Variants in CACNA1I observed in about 807,000 individuals in gnomAD.
The protein encoded by CACNA1I is voltage-dependent T-type calcium channel subunit alpha-1I.
Under a neutral mutation model 201.6 loss-of-function variants are expected in CACNA1I, and 74 were observed. The ratio of observed to expected loss-of-function variants is 0.37; its 90% confidence interval spans 0.30 to 0.45. The LOEUF (loss-of-function observed/expected upper bound fraction) is 0.45. Ranked by LOEUF, CACNA1I falls within the 20% of genes least tolerant of loss-of-function variation. CACNA1I has a pLI of 1.00. For missense variants in CACNA1I, 2,346 were observed against 3,138.1 expected (o/e 0.75, Z 6.03); for synonymous variants, 1,431 against 1,345.2 (o/e 1.06, Z -1.40).
At position 39,646,777 on chromosome 22, in the gene CACNA1I, C is replaced by G. The variant is rs1472275670; in HGVS notation, c.1358C>G (p.Ala453Gly). The G allele has an allele frequency of 2.5e-6, 4 of 1,577,672 alleles. No homozygotes were observed. The South Asian group carries it at 3.5e-5, about 14-fold the overall frequency. ...ATCCTGCGCAAGGCCAAGCGCCGCG[C>G]CCTGGGCCTCTACCAGGCCCTGCAG... ...CHILRKAKRR[A>G]LGLYQALQSR... The change falls in exon 8 of 37, where the codon GCC (alanine) becomes GGC (glycine). Residue 453 changes from alanine to glycine, a missense_variant. Coordinates refer to ENST00000402142, the MANE Select transcript of CACNA1I (RefSeq NM_021096.4).
intron 7 of CACNA1I, among the ~76,000 whole-genome samples, chr22:39,644,986 C>T (rs1934447234): frequency 6.6e-6 from 1 of 151,906 alleles, no homozygotes; most frequent in African/African-American, 2.4e-5. Context: ...CAGCCCCCGG[C>T]CCCCAGTGCT....
At chr22:39,573,639 G>A (rs1262880187) in intron 1 of CACNA1I, among the ~76,000 whole-genome samples, 2 of 152,146 alleles carry the variant, frequency 1.3e-5, no homozygotes, top group African/African-American at 4.8e-5. Flanking sequence ...GCACCCTGAC[G>A]CCTGACCACT....
intron 1 of CACNA1I, among the ~76,000 whole-genome samples, chr22:39,596,595 G>A (rs1268160623): frequency 6.6e-6 from 1 of 151,750 alleles, no homozygotes. Flanking sequence ...CTGCAGGCCA[G>A]GCAAGGGCTT....
At chr22:39,580,436 A>T (rs986673866) in intron 1 of CACNA1I, among the ~76,000 whole-genome samples, 1 of 152,174 alleles carries the variant, frequency 6.6e-6, no homozygotes, top group African/African-American at 2.4e-5. Flanking sequence ...AACCTCAGGT[A>T]CCCTGGCATG....
chr22:39,645,964 G>A (rs1385851232), intron 7 of CACNA1I, among the ~76,000 whole-genome samples: 2 of 152,220 alleles, frequency 1.3e-5, no homozygotes, highest in African/African-American at 4.8e-5. Flanking sequence ...TCAGAGAGAA[G>A]GCAGGGCTGG....
rs1252279898 is a variant in CACNA1I at position 39,665,998 on chromosome 22, C to T, written c.4096C>T (p.Leu1366=). ...CCATCACAAATACAACTTCGACAAC[C>T]TGGGCCAGGTGAGCACCACCGTCCT... The part of the protein sequence containing the change: ...WVHHKYNFDN[L]GQALMSLFVL... Residue 1366 remains leucine, a synonymous_variant, in exon 23 of 37, where the codon CTG becomes TTG. Coordinates refer to ENST00000402142, the MANE Select transcript of CACNA1I (RefSeq NM_021096.4). The surrounding 1 kb of genome is among the most constrained non-coding windows in gnomAD (Gnocchi z 5.5). 1.2e-6 allele frequency: 2 copies of T among 1,613,518 alleles called. No homozygotes were observed. Among genetic ancestry groups the T allele is most frequent in the Non-Finnish European group, 1.7e-6 (2 of 1,179,814 alleles).
At chr22:39,575,781 T>C (rs1249107965) in intron 1 of CACNA1I, among the ~76,000 whole-genome samples, 1 of 75,926 alleles carries the variant, frequency 1.3e-5, no homozygotes, top group Admixed American at 1.4e-4. Context: ...TTTTCTTTCA[T>C]TTTTTTTTTT....
intron 1 of CACNA1I, among the ~76,000 whole-genome samples, chr22:39,591,850 G>A (rs1035350079): frequency 2.0e-4 from 30 of 152,340 alleles, no homozygotes; most frequent in African/African-American, 6.0e-4. Flanking sequence ...ATAAGCCACC[G>A]CGCTTGGCCA....
At position 39,684,141 on chromosome 22, in the gene CACNA1I, C is replaced by T. The variant is rs1160521183; in HGVS notation, c.5831-161C>T. On this transcript the variant is annotated intron_variant, in intron 35 of 36. Coordinates refer to ENST00000402142, the MANE Select transcript of CACNA1I (RefSeq NM_021096.4). The surrounding 1 kb of genome is among the most constrained non-coding windows in gnomAD (Gnocchi z 4.6). Reference sequence around the variant, plus strand: ...CTCTCTTGCTCTCACAATGGGGAAACGAAGGCTTAGAGAGGGGGGACTTGT... The same window carrying T: ...CTCTCTTGCTCTCACAATGGGGAAATGAAGGCTTAGAGAGGGGGGACTTGT... 1.3e-5 allele frequency among the ~76,000 whole-genome samples: 2 copies of T among 152,174 alleles called. No individual in the cohort carries two copies. The highest frequency in any genetic ancestry group is 1.5e-5 in the Non-Finnish European group (1 of 68,032).
Position 39,570,758 on chromosome 22 carries a change from T to C in CACNA1I, c.6T>C (p.Ala2=). 1 of 1,598,458 alleles carries C rather than the reference T, an allele frequency of 6.3e-7. No homozygotes were observed. Among genetic ancestry groups the C allele is most frequent in the Non-Finnish European group, 8.5e-7 (1 of 1,173,316 alleles). The part of the protein sequence containing the change: M[A]ESASPPSSSA... ...GCTCCCAGCTCAGTGTGGACATGGCTGAGAGCGCCTCCCCGCCCTCCTCAT... is the reference window on the plus strand; with the variant it reads ...GCTCCCAGCTCAGTGTGGACATGGCCGAGAGCGCCTCCCCGCCCTCCTCAT... The change falls in exon 1 of 37, where the codon GCT becomes GCC. Residue 2 remains alanine, a synonymous_variant. Transcript: ENST00000402142.
chr22:39,578,669 G>C (rs1932443384), intron 1 of CACNA1I, among the ~76,000 whole-genome samples: 1 of 152,006 alleles, frequency 6.6e-6, no homozygotes, highest in Non-Finnish European at 1.5e-5. Context: ...TGCTGTCCCA[G>C]CCCTGCTCCA....
intron 1 of CACNA1I, among the ~76,000 whole-genome samples, chr22:39,581,768 A>G (rs944248185): frequency 4.6e-5 from 7 of 152,292 alleles, no homozygotes; most frequent in African/African-American, 1.2e-4. Flanking sequence ...AGAGAAATCA[A>G]TAAGTCTTTT....
intron 33 of CACNA1I, 129 bp downstream of exon 33, chr22:39,679,997 G>GA: frequency 1.1e-6 from 1 of 919,482 alleles, no homozygotes; most frequent in Non-Finnish European, 1.6e-6. Context: ...GGCACACGTA[G>GA]CTTCCATGGC....
intron 1 of CACNA1I, among the ~76,000 whole-genome samples, chr22:39,593,910 T>G (rs1390182387): frequency 6.6e-6 from 1 of 152,210 alleles, no homozygotes; most frequent in Non-Finnish European, 1.5e-5. Flanking sequence ...TCAAGTTGTG[T>G]TGGGCACACA....
chr22:39,677,866 A>T lies in CACNA1I; in HGVS notation c.4934-121A>T. ...CTCAGTTTATCTGTGGGCTGGGCAC[A>T]GTCTGCAGGCCCCTCCTAGGGTGTG... On this transcript the variant is annotated intron_variant, in intron 30 of 36. Coordinates refer to ENST00000402142, the MANE Select transcript of CACNA1I (RefSeq NM_021096.4). This position sits in a 1 kb window ranked among gnomAD's most constrained non-coding sequence, Gnocchi z 4.8. 2 of 1,147,200 alleles carry T rather than the reference A, an allele frequency of 1.7e-6. No homozygotes were observed. The highest frequency in any genetic ancestry group is 3.2e-5 in the South Asian group (2 of 63,148). The allele number at this position is 1,147,200 out of a possible 1,614,324, so 71.1% of individuals were successfully genotyped here. A position where few individuals can be genotyped will look rare whatever the true frequency, so the allele number is the denominator to read the frequency against.
At chr22:39,602,508 C>T (rs1005761675) in intron 3 of CACNA1I, among the ~76,000 whole-genome samples, 15 of 152,116 alleles carry the variant, frequency 9.9e-5, no homozygotes, top group Admixed American at 5.2e-4. Flanking sequence ...TCACGTTCTT[C>T]GTTTTCATTC....
chr22:39,637,823 T>C (rs1190365485), intron 5 of CACNA1I, among the ~76,000 whole-genome samples: 1 of 152,264 alleles, frequency 6.6e-6, no homozygotes, highest in African/African-American at 2.4e-5. Flanking sequence ...CTAAAGGTTG[T>C]GAAAATATCT....
chr22:39,662,985 G>A, intron 18 of CACNA1I, 109 bp downstream of exon 18: 3 of 744,386 alleles, frequency 4.0e-6, no homozygotes, highest in Non-Finnish European at 6.9e-6. Context: ...AGACCACAGC[G>A]GACCCTCCCG....
In CACNA1I at chr22:39,677,482, G is replaced by A. The variant is rs765820010; in HGVS notation, c.4933+63G>A. 37 of 1,185,828 alleles carry A rather than the reference G, an allele frequency of 3.1e-5. No individual in the cohort carries two copies. The highest frequency in any genetic ancestry group is 4.3e-5 in the Non-Finnish European group (37 of 858,684). The allele number at this position is 1,185,828 out of a possible 1,614,324, so 73.5% of individuals were successfully genotyped here. A position where few individuals can be genotyped will look rare whatever the true frequency, so the allele number is the denominator to read the frequency against. On this transcript the variant is annotated intron_variant, in intron 30 of 36. Transcript: ENST00000402142. The surrounding 1 kb of genome is among the most constrained non-coding windows in gnomAD (Gnocchi z 4.8). The stretch of plus-strand genomic sequence containing the variant: ...AGCAGGGCTGCAGGAGGAACTGGGG[G>A]GGCGGGGGAGGCCTGAGACCCCTGA...
Sources: allele counts gnomAD v4.1 joint callset (sites outside exome capture counted in the v4.1 genomes callset), GRCh38; gene constraint gnomAD v4.1.1; non-coding constraint Gnocchi (gnomAD v3.1); transcripts MANE v1.5; gene names NCBI Gene and HGNC (gene_info 2026-07-23, HGNC 2026-07-21).